Variants in SGCZ observed in about 807,000 individuals in gnomAD.
SGCZ encodes the protein zeta-sarcoglycan.
SGCZ carries 40 observed loss-of-function variants against 41.3 expected under a neutral mutation model. The ratio of observed to expected loss-of-function variants is 0.97; its 90% CI spans 0.75 to 1.26. SGCZ has a LOEUF of 1.26. SGCZ is among the 50% of genes most tolerant of loss of function. SGCZ has a pLI of 0.00. For missense variants in SGCZ, 552 were observed against 369.8 expected, an observed-to-expected ratio of 1.49 and a Z score of -4.04; for synonymous variants, 206 against 137.5, an observed-to-expected ratio of 1.50 and a Z score of -3.49.
chr8:14,157,284 T>A (rs1223383233), intron 5 of SGCZ, among the ~76,000 whole-genome samples: 1 of 148,748 alleles, frequency 6.7e-6, no homozygotes, highest in East Asian at 1.9e-4. Context: ...AAAATGTATA[T>A]ACATATTATA....
At chr8:14,814,487 G>A (rs975044597) in intron 1 of SGCZ, among the ~76,000 whole-genome samples, 1 of 152,194 alleles carries the variant, frequency 6.6e-6, no homozygotes, top group Non-Finnish European at 1.5e-5. Context: ...AGGCTCCTAA[G>A]AGGGCCCCCA....
At chr8:14,633,614 C>A (rs1208377611) in intron 1 of SGCZ, among the ~76,000 whole-genome samples, 2 of 151,760 alleles carry the variant, frequency 1.3e-5, no homozygotes, top group Admixed American at 1.3e-4. Flanking sequence ...CTGACTACAA[C>A]AAACAGCTGT....
At chr8:14,907,496 C>G (rs950285380) in intron 1 of SGCZ, among the ~76,000 whole-genome samples, 1 of 152,118 alleles carries the variant, frequency 6.6e-6, no homozygotes, top group Admixed American at 6.5e-5. Flanking sequence ...CCTCAGTTAA[C>G]TATTAAGAAG....
chr8:14,401,986 G>A (rs943612958), intron 2 of SGCZ, among the ~76,000 whole-genome samples: 2 of 151,906 alleles, frequency 1.3e-5, no homozygotes, highest in South Asian at 2.1e-4. Context: ...CATTCTAACT[G>A]GTGTGGGATG....
At chr8:14,206,863 G>C (rs7008958) in intron 4 of SGCZ, among the ~76,000 whole-genome samples, 151,447 of 152,230 alleles carry the variant, frequency 0.99, 75,339 homozygotes, top group East Asian at 1. Context: ...AGTTTGTTTT[G>C]TGTCTCAGAT....
chr8:14,421,308 A>C (rs971699276), intron 2 of SGCZ, among the ~76,000 whole-genome samples: 2 of 151,972 alleles, frequency 1.3e-5, no homozygotes, highest in Admixed American at 6.6e-5. Flanking sequence ...CCTTCTCTTT[A>C]TTATATAAAA....
intron 5 of SGCZ, chr8:14,162,589 A>G (rs948154335): frequency 1.3e-5 from 2 of 152,238 alleles, no homozygotes; most frequent in South Asian, 2.1e-4. Context: ...TCAGGACTCA[A>G]GAAGGTCAAT....
intron 1 of SGCZ, among the ~76,000 whole-genome samples, chr8:14,851,387 A>AG (rs1213617418): frequency 5.4e-4 from 81 of 149,814 alleles, no homozygotes; most frequent in Middle Eastern, 3.4e-3. Flanking sequence ...AAAAAAAAAA[A>AG]AAAGAAAAAA....
chr8:14,226,265 C>T (rs932320344), intron 4 of SGCZ, among the ~76,000 whole-genome samples: 1 of 152,060 alleles, frequency 6.6e-6, no homozygotes, highest in Non-Finnish European at 1.5e-5. Context: ...ACTATAGAGT[C>T]AATTTTCGGT....
intron 1 of SGCZ, among the ~76,000 whole-genome samples, chr8:14,781,396 T>C (rs978529638): frequency 3.9e-5 from 6 of 152,060 alleles, no homozygotes; most frequent in Non-Finnish European, 8.8e-5. Context: ...ACTCAGGTAA[T>C]TTTTGTATTT....
At chr8:14,527,850 T>A (rs1377256909) in intron 2 of SGCZ, among the ~76,000 whole-genome samples, 2 of 152,050 alleles carry the variant, frequency 1.3e-5, no homozygotes, top group African/African-American at 4.8e-5. Flanking sequence ...GCTGAGGTGA[T>A]CATTGTTGAG....
chr8:14,938,858 C>A (rs908834810), intron 1 of SGCZ, among the ~76,000 whole-genome samples: 11 of 151,910 alleles, frequency 7.2e-5, no homozygotes, highest in Non-Finnish European at 1.5e-4. Context: ...GATGCAACCT[C>A]CCATTTTTTT....
At chr8:14,356,199 C>T (rs753577632) in intron 2 of SGCZ, among the ~76,000 whole-genome samples, 9 of 152,092 alleles carry the variant, frequency 5.9e-5, no homozygotes, top group Non-Finnish European at 1.0e-4. Flanking sequence ...CTAAGCTAAG[C>T]CACGATGTTC....
chr8:14,644,270 G>A (rs1331672388), intron 1 of SGCZ, among the ~76,000 whole-genome samples: 1 of 151,704 alleles, frequency 6.6e-6, no homozygotes, highest in Non-Finnish European at 1.5e-5. Context: ...CATAAAGTGA[G>A]TAGAGCTTGT....
intron 1 of SGCZ, among the ~76,000 whole-genome samples, chr8:15,135,705 G>A (rs925941684): frequency 1.3e-5 from 2 of 152,184 alleles, no homozygotes; most frequent in East Asian, 2.0e-4. Context: ...TACTGATGCC[G>A]GGCAGGCAAG....
chr8:15,080,414 C>T (rs1179633355), intron 1 of SGCZ, among the ~76,000 whole-genome samples: 1 of 152,046 alleles, frequency 6.6e-6, no homozygotes, highest in Non-Finnish European at 1.5e-5. Context: ...CTGCCCCTCT[C>T]CAAAGAGCTG....
intron 1 of SGCZ, among the ~76,000 whole-genome samples, chr8:14,759,990 CT>C (rs1192453478): frequency 3.9e-5 from 6 of 152,236 alleles, no homozygotes; most frequent in Non-Finnish European, 7.4e-5. Flanking sequence ...AAACATTTAG[CT>C]ATTGAGTGGT....
chr8:15,061,361 C>A (rs377504848), intron 1 of SGCZ, among the ~76,000 whole-genome samples: 1 of 151,808 alleles, frequency 6.6e-6, no homozygotes, highest in Non-Finnish European at 1.5e-5. Flanking sequence ...GGGAGGAGAA[C>A]ATCACACACC....
chr8:15,195,199 T>A (rs916961171), intron 1 of SGCZ, among the ~76,000 whole-genome samples: 16 of 152,182 alleles, frequency 1.1e-4, no homozygotes, highest in Non-Finnish European at 1.9e-4. Flanking sequence ...GTCCTACGAA[T>A]CATTTTCCGG....
Sources: gnomAD v4.1 joint callset for allele counts (sites outside exome capture counted in the v4.1 genomes callset) on GRCh38, gnomAD v4.1.1 for gene constraint, MANE v1.5 for transcripts, NCBI Gene and HGNC (gene_info 2026-07-23, HGNC 2026-07-21) for gene names.